AFF1: variants seen among roughly 807,000 people sequenced by gnomAD.
The protein encoded by AFF1 is ALF transcription elongation factor 1, also known as AF4/FMR2 family member 1.
A neutral mutation model predicts 121.7 loss-of-function variants in AFF1; 48 were observed. The observed-to-expected ratio is 0.39, with a 90% CI of 0.31 to 0.50. AFF1 has a LOEUF of 0.50. Among genes scored for constraint, AFF1 ranks in the 20% least tolerant of loss-of-function variants. The probability of loss-of-function intolerance (pLI) is 0.76; values close to 1 mark genes in which losing one functional copy is unlikely to be tolerated. For missense variants in AFF1, 1,523 were observed against 1,511.7 expected, an observed-to-expected ratio of 1.01 and a Z score of -0.12; for synonymous variants, 613 against 563.0, an observed-to-expected ratio of 1.09 and a Z score of -1.26.
In AFF1 at chr4:87,007,288, G is replaced by C; in HGVS notation, c.39-38878G>C. On this transcript the variant is annotated intron_variant, in intron 2 of 20. Coordinates refer to ENST00000395146, the MANE Select transcript of AFF1 (RefSeq NM_001166693.3). ...GAGCAGGTAGTCCCGTAACATCGGG[G>C]CGCCGCGCCGGGACGCGTCCCCGCC... The C allele has an allele frequency of 1.9e-6, 3 of 1,563,440 alleles. No homozygotes were observed. The South Asian group carries it at 3.5e-5, about 18-fold the overall frequency.
At chr4:87,057,921 C>T (rs1268723503) in intron 4 of AFF1, among the ~76,000 whole-genome samples, 1 of 152,034 alleles carries the variant, frequency 6.6e-6, no homozygotes, top group Non-Finnish European at 1.5e-5. Flanking sequence ...CCCACCCCTG[C>T]CTGATGGCTT....
chr4:87,088,905 C>T (rs116616757), intron 5 of AFF1, among the ~76,000 whole-genome samples: 3,056 of 152,278 alleles, frequency 0.02, 108 homozygotes, highest in African/African-American at 0.07. Context: ...ACACCCAAAC[C>T]CAGCTAATTT....
rs1560619293 is a variant in AFF1 at position 87,094,943 on chromosome 4, C to T, written c.1257C>T (p.His419=). 2.5e-6 allele frequency: 4 copies of T among 1,613,958 alleles called. No homozygotes were observed. In the South Asian group the frequency reaches 3.3e-5, roughly 13 times the overall value. Residue 419 remains histidine, a synonymous_variant, in exon 8 of 21, where the codon CAC becomes CAT. Transcript: ENST00000395146. The stretch of plus-strand genomic sequence containing the variant: ...AATATGATACATCTTCAAAAACTCA[C>T]TCAAATTCTCAGCAAGGAACGTCAT... ...QKQYDTSSKT[H]SNSQQGTSSM... is the part of the protein sequence containing the mutation.
intron 2 of AFF1, among the ~76,000 whole-genome samples, chr4:87,008,423 A>G (rs1290301161): frequency 1.3e-5 from 2 of 152,202 alleles, no homozygotes; most frequent in Non-Finnish European, 2.9e-5. Flanking sequence ...TAGGAAGGAA[A>G]GAGCTTCTCT....
chr4:87,001,535 T>C (rs1725728544), intron 2 of AFF1, among the ~76,000 whole-genome samples: 1 of 151,990 alleles, frequency 6.6e-6, no homozygotes, highest in Non-Finnish European at 1.5e-5. Context: ...CTTTTTCAAG[T>C]GGAGAAAACC....
intron 2 of AFF1, among the ~76,000 whole-genome samples, chr4:87,019,884 C>CGGT (rs71660112): frequency 5.3e-4 from 44 of 82,600 alleles, no homozygotes; most frequent in African/African-American, 1.5e-3. Context: ...CTGAAGGGGT[C>CGGT]GGGGGGGGGC....
chr4:86,997,035 T>C (rs933833073), intron 2 of AFF1, among the ~76,000 whole-genome samples: 1 of 152,128 alleles, frequency 6.6e-6, no homozygotes, highest in African/African-American at 2.4e-5. Flanking sequence ...CCTCAGCCTC[T>C]CAAGTAGCTG....
intron 4 of AFF1, among the ~76,000 whole-genome samples, chr4:87,057,501 A>G (rs1435446942): frequency 2.0e-5 from 3 of 152,162 alleles, no homozygotes; most frequent in African/African-American, 7.2e-5. Context: ...TCTTTGAATT[A>G]CTTAAGACAG....
intron 7 of AFF1, among the ~76,000 whole-genome samples, chr4:87,094,353 C>CCCGTT (rs1163264772): frequency 6.6e-6 from 1 of 152,108 alleles, no homozygotes; most frequent in African/African-American, 2.4e-5. Flanking sequence ...TATTTATGGA[C>CCCGTT]CCGTTTCATG....
At chr4:86,986,035 C>CAATTT (rs200276708) in intron 2 of AFF1, among the ~76,000 whole-genome samples, 52,230 of 136,452 alleles carry the variant, frequency 0.38, 11,592 homozygotes, top group South Asian at 0.56. Context: ...AAATTTAATT[C>CAATTT]AATTCAATTT....
At chr4:86,953,533 A>G (rs767908918) in intron 2 of AFF1, among the ~76,000 whole-genome samples, 7 of 152,210 alleles carry the variant, frequency 4.6e-5, no homozygotes, top group Non-Finnish European at 7.3e-5. Flanking sequence ...TAGTTCTTAC[A>G]AATAATGAGC....
At chr4:87,013,765 T>C (rs1270882728) in intron 2 of AFF1, among the ~76,000 whole-genome samples, 1 of 151,538 alleles carries the variant, frequency 6.6e-6, no homozygotes. Flanking sequence ...TCATATGAGG[T>C]TCAGGGTTCT....
Position 87,140,397 on chromosome 4 carries a change from A to T in AFF1, c.*4696A>T, listed in dbSNP as rs1578340468. ...CGCATGTGTCCCAAATCTTGTTTTA[A>T]TTTTTTTTTTCTGAATGTGATCATG... is the stretch of plus-strand genomic sequence containing the variant. On this transcript the variant is annotated 3_prime_UTR_variant, in exon 21 of 21. Coordinates refer to ENST00000395146, the MANE Select transcript of AFF1 (RefSeq NM_001166693.3). 5.5e-6 allele frequency: 1 copy of T among 181,496 alleles called. No individual in the cohort carries two copies. The highest frequency in any genetic ancestry group is 1.2e-5 in the Non-Finnish European group (1 of 86,518). The allele number at this position is 181,496 out of a possible 1,614,324, so 11.2% of individuals were successfully genotyped here.
rs1455365546 is a variant in AFF1 at position 86,935,101 on chromosome 4, C to A, written c.-176C>A. ...GGCCGCAGCTGCACCTTTGCCTCCG[C>A]GGTTCCGCAGCCGAGCCCCGGGAGG... On this transcript the variant is annotated 5_prime_UTR_variant, in exon 1 of 21. Coordinates refer to ENST00000395146, the MANE Select transcript of AFF1 (RefSeq NM_001166693.3). 1 of 152,214 alleles carries A rather than the reference C, an allele frequency of 6.6e-6. No homozygotes were observed. The highest frequency in any genetic ancestry group is 1.5e-5 in the Non-Finnish European group (1 of 68,064). 9.4% of individuals were successfully genotyped at this position (152,214 alleles called of 1,614,324 possible).
chr4:86,951,851 T>A (rs920861680), intron 2 of AFF1, among the ~76,000 whole-genome samples: 1 of 151,846 alleles, frequency 6.6e-6, no homozygotes, highest in African/African-American at 2.4e-5. Flanking sequence ...CTTGACCTCA[T>A]GATCTGCCCG....
At chr4:87,015,564 T>C (rs1320266543) in intron 2 of AFF1, among the ~76,000 whole-genome samples, 2 of 152,234 alleles carry the variant, frequency 1.3e-5, no homozygotes, top group Non-Finnish European at 2.9e-5. Flanking sequence ...TGAAAAGTCC[T>C]AGGTTGGCAG....
intron 4 of AFF1, among the ~76,000 whole-genome samples, chr4:87,067,344 A>G (rs536881768): frequency 8.5e-5 from 13 of 152,342 alleles, no homozygotes; most frequent in African/African-American, 2.9e-4. Flanking sequence ...CAGAACCACT[A>G]TGGATAACTT....
chr4:87,099,863 A>G (rs1725248770), intron 8 of AFF1, among the ~76,000 whole-genome samples: 1 of 152,248 alleles, frequency 6.6e-6, no homozygotes, highest in Admixed American at 6.5e-5. Context: ...TAGTAGTTAC[A>G]CTTCAGGGAA....
At chr4:87,023,465 TATTC>T (rs1690224821) in intron 2 of AFF1, among the ~76,000 whole-genome samples, 2 of 152,348 alleles carry the variant, frequency 1.3e-5, no homozygotes, top group African/African-American at 4.8e-5. Flanking sequence ...CCACTTAAAT[TATTC>T]ATTTATTTGA....
Sources: gnomAD v4.1 joint callset for allele counts (sites outside exome capture counted in the v4.1 genomes callset) on GRCh38, gnomAD v4.1.1 for gene constraint, MANE v1.5 for transcripts, NCBI Gene and HGNC (gene_info 2026-07-23, HGNC 2026-07-21) for gene names.